Variants in RAB3C observed in about 807,000 individuals in gnomAD.
RAB3C encodes RAB3C, member RAS oncogene family.
Under a neutral mutation model 26.4 loss-of-function variants are expected in RAB3C, and 17 were observed. The observed-to-expected ratio is 0.64, with a 90% CI of 0.44 to 0.97. The LOEUF is 0.97. Among genes scored for constraint, RAB3C ranks in the 50% least tolerant of loss-of-function variants. The probability of loss-of-function intolerance (pLI) is 0.00; values close to 1 mark genes in which losing one functional copy is unlikely to be tolerated. For synonymous variants in RAB3C, 91 were observed against 95.9 expected, an observed-to-expected ratio of 0.95 and a Z score of 0.30; for missense variants, 242 against 281.9, an observed-to-expected ratio of 0.86 and a Z score of 1.01.
At chr5:58,683,445 G>T (rs1748386692) in intron 2 of RAB3C, among the ~76,000 whole-genome samples, 1 of 151,824 alleles carries the variant, frequency 6.6e-6, no homozygotes, top group East Asian at 1.9e-4. Context: ...CTGCATTTTG[G>T]TTATATCTGC....
At chr5:58,807,130 C>T (rs1034809279) in intron 3 of RAB3C, among the ~76,000 whole-genome samples, 3 of 152,166 alleles carry the variant, frequency 2.0e-5, no homozygotes, top group Non-Finnish European at 4.4e-5. Flanking sequence ...TAATCTGTAT[C>T]TCATGTGAAT....
chr5:58,739,900 G>A (rs1235502029), intron 3 of RAB3C, among the ~76,000 whole-genome samples: 2 of 152,184 alleles, frequency 1.3e-5, no homozygotes, highest in Non-Finnish European at 2.9e-5. Context: ...CCTTTCTACA[G>A]CATATTGAAA....
intron 1 of RAB3C, among the ~76,000 whole-genome samples, chr5:58,612,140 T>C (rs1746716438): frequency 6.6e-6 from 1 of 152,142 alleles, no homozygotes; most frequent in Non-Finnish European, 1.5e-5. Flanking sequence ...TATAGCCCTG[T>C]AGTATAGTTT....
intron 1 of RAB3C, among the ~76,000 whole-genome samples, chr5:58,591,898 ATTT>A (rs36103498): frequency 1.5e-3 from 178 of 118,594 alleles, no homozygotes; most frequent in Middle Eastern, 4.7e-3. Context: ...TTCTTTTTCT[ATTT>A]TTTTTTTTTT....
chr5:58,834,492 A>C (rs1485491699), intron 4 of RAB3C, among the ~76,000 whole-genome samples: 1 of 152,140 alleles, frequency 6.6e-6, no homozygotes, highest in East Asian at 1.9e-4. Context: ...AACTCAAACC[A>C]CCTGTTCCAA....
intron 2 of RAB3C, among the ~76,000 whole-genome samples, chr5:58,699,991 A>G (rs140354551): frequency 0.015 from 2,257 of 152,262 alleles, 45 homozygotes; most frequent in African/African-American, 0.051. Flanking sequence ...GCCAGTCCCA[A>G]TGAGATGAAC....
intron 1 of RAB3C, among the ~76,000 whole-genome samples, chr5:58,589,283 G>C (rs956624314): frequency 1.3e-5 from 2 of 151,904 alleles, no homozygotes; most frequent in Admixed American, 6.6e-5. Context: ...ATGATATATT[G>C]TCCTTTCTAT....
chr5:58,789,115 T>C (rs1351157885), intron 3 of RAB3C, among the ~76,000 whole-genome samples: 1 of 152,030 alleles, frequency 6.6e-6, no homozygotes, highest in Non-Finnish European at 1.5e-5. Context: ...AAATACAAAA[T>C]TGGGAAAATA....
Position 58,601,239 on chromosome 5 carries a change from G to A in RAB3C, c.25-16404G>A, listed in dbSNP as rs528927197. 1.7e-4 allele frequency among the ~76,000 whole-genome samples: 26 copies of A among 152,054 alleles called. No individual in the cohort carries two copies. In the East Asian group the frequency reaches 3.7e-3, roughly 21 times the overall value. On this transcript the variant is annotated intron_variant, in intron 1 of 4. Coordinates refer to ENST00000282878, the MANE Select transcript of RAB3C (RefSeq NM_138453.4). ...ATCTTTTTAATATGTTGTTGGATTC[G>A]GTTAGCTAGTATTCTGTTAAGGATT...
At chr5:58,614,362 C>A (rs1211598663) in intron 1 of RAB3C, among the ~76,000 whole-genome samples, 1 of 151,986 alleles carries the variant, frequency 6.6e-6, no homozygotes, top group Non-Finnish European at 1.5e-5. Flanking sequence ...TCTTCATCCT[C>A]TGAGCTAGGA....
chr5:58,669,772 T>C (rs896139513), intron 2 of RAB3C, among the ~76,000 whole-genome samples: 1 of 152,188 alleles, frequency 6.6e-6, no homozygotes, highest in Non-Finnish European at 1.5e-5. Flanking sequence ...CCCAGCTTGA[T>C]ACTAGCACTG....
intron 2 of RAB3C, among the ~76,000 whole-genome samples, chr5:58,619,448 TAA>T (rs1353814937): frequency 5.3e-5 from 8 of 152,212 alleles, no homozygotes; most frequent in Non-Finnish European, 1.2e-4. Context: ...CATTTCGTAT[TAA>T]GTTTTAAGGA....
At chr5:58,845,752 G>A (rs1308563679) in intron 4 of RAB3C, among the ~76,000 whole-genome samples, 1 of 151,260 alleles carries the variant, frequency 6.6e-6, no homozygotes, top group African/African-American at 2.4e-5. Context: ...GTACAATTCA[G>A]TGGTTTTTAG....
intron 3 of RAB3C, among the ~76,000 whole-genome samples, chr5:58,804,456 C>T (rs1417053638): frequency 1.3e-5 from 2 of 152,210 alleles, no homozygotes; most frequent in Non-Finnish European, 2.9e-5. Context: ...CAGGGAGGGA[C>T]ATGAGCAAGC....
chr5:58,677,283 C>A (rs894636100), intron 2 of RAB3C, among the ~76,000 whole-genome samples: 3 of 152,284 alleles, frequency 2.0e-5, no homozygotes, highest in African/African-American at 7.2e-5. Context: ...GGGTTATATT[C>A]TGAGGCACTG....
chr5:58,747,594 C>A (rs1741427169), intron 3 of RAB3C, among the ~76,000 whole-genome samples: 1 of 152,116 alleles, frequency 6.6e-6, no homozygotes, highest in African/African-American at 2.4e-5. Context: ...CTGGCAAAAG[C>A]AAGTGAGCTT....
At chr5:58,620,162 C>G (rs552732951) in intron 2 of RAB3C, among the ~76,000 whole-genome samples, 2 of 152,284 alleles carry the variant, frequency 1.3e-5, no homozygotes, top group Admixed American at 1.3e-4. Flanking sequence ...TCTGTGGATG[C>G]CCACACTCCC....
intron 4 of RAB3C, among the ~76,000 whole-genome samples, chr5:58,833,900 C>T (rs1190349810): frequency 6.6e-6 from 1 of 152,164 alleles, no homozygotes; most frequent in East Asian, 1.9e-4. Context: ...TTTGGAGGCT[C>T]TTTAGGAAGA....
At chr5:58,701,029 C>T (rs1403005450) in intron 2 of RAB3C, among the ~76,000 whole-genome samples, 2 of 151,012 alleles carry the variant, frequency 1.3e-5, no homozygotes, top group African/African-American at 4.9e-5. Context: ...GGACTCTCAC[C>T]CTGTCACCCA....
Sources: gnomAD v4.1 joint callset for allele counts (sites outside exome capture counted in the v4.1 genomes callset) on GRCh38, gnomAD v4.1.1 for gene constraint, MANE v1.5 for transcripts, NCBI Gene and HGNC (gene_info 2026-07-23, HGNC 2026-07-21) for gene names.